MCTP1: variants seen among roughly 807,000 people sequenced by gnomAD.
MCTP1 encodes the protein multiple C2 and transmembrane domain containing 1.
MCTP1 carries 69 observed loss-of-function variants against 120.6 expected under a neutral mutation model. The ratio of observed to expected loss-of-function variants is 0.57; its 90% CI spans 0.47 to 0.70. The LOEUF is 0.70. MCTP1 is among the 30% of genes least tolerant of loss of function. The pLI is 0.00. For synonymous variants in MCTP1, 529 were observed against 493.1 expected (o/e 1.07, Z -0.96); for missense variants, 1,203 against 1,248.8 (o/e 0.96, Z 0.55).
intron 1 of MCTP1, among the ~76,000 whole-genome samples, chr5:95,157,721 C>G (rs1745281332): frequency 6.6e-6 from 1 of 152,196 alleles, no homozygotes; most frequent in Non-Finnish European, 1.5e-5. Context: ...AAAAGAGCTT[C>G]TCAATTTTGA....
At chr5:95,171,705 T>C (rs1747320867) in intron 1 of MCTP1, among the ~76,000 whole-genome samples, 1 of 152,012 alleles carries the variant, frequency 6.6e-6, no homozygotes, top group Non-Finnish European at 1.5e-5. Flanking sequence ...ATCGAATCGG[T>C]TACTGAAGCT....
chr5:95,254,448 C>T (rs986643876), intron 1 of MCTP1, among the ~76,000 whole-genome samples: 2 of 152,076 alleles, frequency 1.3e-5, no homozygotes, highest in Non-Finnish European at 2.9e-5. Context: ...AAAATTCTAG[C>T]CCAGGCAGCC....
At chr5:95,116,866 T>C (rs1406375910) in intron 1 of MCTP1, among the ~76,000 whole-genome samples, 1 of 152,156 alleles carries the variant, frequency 6.6e-6, no homozygotes, top group African/African-American at 2.4e-5. Flanking sequence ...CAAATGCCTG[T>C]GATTTCTGAA....
intron 1 of MCTP1, among the ~76,000 whole-genome samples, chr5:95,222,960 G>C (rs529798279): frequency 6.6e-6 from 1 of 152,342 alleles, no homozygotes; most frequent in Non-Finnish European, 1.5e-5. Context: ...GAGAGACGAT[G>C]GTGTGGATGA....
At position 94,704,693 on chromosome 5, in the gene MCTP1, G is replaced by A. The variant is rs1287668920; in HGVS notation, c.*2803C>T. ...TTGGTTTGACCGTTGTCTATAACAG[G>A]GTCATACAGTTGGTATTCGATAAAT... On this transcript the variant is annotated 3_prime_UTR_variant, in exon 23 of 23. Transcript: ENST00000515393. 6.6e-6 allele frequency: 1 copy of A among 151,008 alleles called. No individual in the cohort carries two copies. The highest frequency in any genetic ancestry group is 1.5e-5 in the Non-Finnish European group (1 of 67,444). The allele number at this position is 151,008 out of a possible 1,614,324, so 9.4% of individuals were successfully genotyped here.
chr5:94,928,103 A>G (rs1581404378), intron 6 of MCTP1, among the ~76,000 whole-genome samples: 1 of 152,060 alleles, frequency 6.6e-6, no homozygotes, highest in East Asian at 1.9e-4. Context: ...ATGTTTTTAT[A>G]TCATCACGAT....
chr5:95,123,278 T>C (rs1758371001), intron 1 of MCTP1, among the ~76,000 whole-genome samples: 2 of 151,810 alleles, frequency 1.3e-5, no homozygotes, highest in African/African-American at 2.4e-5. Flanking sequence ...AAAAATAAAA[T>C]CTGGCTAGCA....
At chr5:95,031,329 C>T (rs1355188792) in intron 1 of MCTP1, among the ~76,000 whole-genome samples, 11 of 151,750 alleles carry the variant, frequency 7.2e-5, no homozygotes, top group Non-Finnish European at 1.0e-4. Flanking sequence ...GACATAGAGT[C>T]GTCTGATTTT....
intron 1 of MCTP1, among the ~76,000 whole-genome samples, chr5:95,229,480 T>C (rs1754665796): frequency 6.6e-6 from 1 of 152,102 alleles, no homozygotes. Flanking sequence ...GAGAGAAAAG[T>C]TTGGTTACTC....
intron 10 of MCTP1, among the ~76,000 whole-genome samples, chr5:94,897,379 CAG>C (rs1372159623): frequency 2.6e-5 from 4 of 151,960 alleles, no homozygotes; most frequent in African/African-American, 9.7e-5. Context: ...CTTTTTGAGA[CAG>C]AGTCTCATAC....
intron 1 of MCTP1, among the ~76,000 whole-genome samples, chr5:95,197,821 C>G (rs1043785937): frequency 6.6e-6 from 1 of 152,002 alleles, no homozygotes; most frequent in Non-Finnish European, 1.5e-5. Context: ...CCACAGATAC[C>G]AAAATCTACA....
At position 95,254,144 on chromosome 5, in the gene MCTP1, A is replaced by T. The variant is rs944671213; in HGVS notation, c.720+29712T>A. On this transcript the variant is annotated intron_variant, in intron 1 of 22. Transcript: ENST00000515393. ...TATTTCTCTCAAACTTATACTTAAG[A>T]TCTGGAATTTTTCACTGACAATGTT... Among the ~76,000 whole-genome samples the T allele has an allele frequency of 4.6e-5, 7 of 152,272 alleles. No homozygotes were observed. In the East Asian group the frequency reaches 1.2e-3, roughly 25 times the overall value.
chr5:94,755,609 A>G (rs1048363867), intron 19 of MCTP1, among the ~76,000 whole-genome samples: 2 of 152,176 alleles, frequency 1.3e-5, no homozygotes, highest in Non-Finnish European at 2.9e-5. Context: ...ACTTCATTCT[A>G]GCGATATATT....
chr5:95,283,983 C>G lies in MCTP1; in HGVS notation c.593G>C (p.Ser198Thr), dbSNP rs960951918. 4.1e-6 allele frequency: 6 copies of G among 1,450,420 alleles called. No homozygotes were observed. The highest frequency in any genetic ancestry group is 5.4e-6 in the Non-Finnish European group (6 of 1,105,688). 89.8% of individuals were successfully genotyped at this position (1,450,420 alleles called of 1,614,324 possible). The change falls in exon 1 of 23, where the codon AGC becomes ACC. Residue 198 changes from serine (S) to threonine (T), a missense_variant. Coordinates refer to ENST00000515393, the MANE Select transcript of MCTP1 (RefSeq NM_024717.7). ...GPGAHLCHQK[S>T]SSLPGTACLE... ...GCAGGCGGTGCCCGGCAGAGAGGAG[C>G]TCTTCTGGTGGCACAAGTGCGCCCC...
chr5:94,905,918 G>C (rs2153428143), intron 10 of MCTP1, among the ~76,000 whole-genome samples: 1 of 152,190 alleles, frequency 6.6e-6, no homozygotes, highest in African/African-American at 2.4e-5. Flanking sequence ...ACAACATGAG[G>C]GGATGAGGAA....
chr5:95,210,027 G>A (rs929588370), intron 1 of MCTP1, among the ~76,000 whole-genome samples: 1 of 152,174 alleles, frequency 6.6e-6, no homozygotes, highest in South Asian at 2.1e-4. Flanking sequence ...TTGCACTGTG[G>A]TCTGAGAGAT....
chr5:94,780,296 T>C (rs564937847), intron 18 of MCTP1, among the ~76,000 whole-genome samples: 1 of 152,152 alleles, frequency 6.6e-6, no homozygotes, highest in East Asian at 1.9e-4. Context: ...AACAGGAATA[T>C]TCTATTGGTG....
At chr5:94,823,882 G>T (rs886907468) in intron 17 of MCTP1, among the ~76,000 whole-genome samples, 1 of 152,146 alleles carries the variant, frequency 6.6e-6, no homozygotes, top group African/African-American at 2.4e-5. Flanking sequence ...TGTGATTTTT[G>T]CACATTGATT....
At chr5:95,192,722 AATTTTC>A (rs1462265882) in intron 1 of MCTP1, among the ~76,000 whole-genome samples, 2 of 152,122 alleles carry the variant, frequency 1.3e-5, no homozygotes, top group Non-Finnish European at 2.9e-5. Context: ...ACCTATTGGT[AATTTTC>A]AGGGCTCTGA....
Sources: allele counts gnomAD v4.1 joint callset (sites outside exome capture counted in the v4.1 genomes callset), GRCh38; gene constraint gnomAD v4.1.1; transcripts MANE v1.5; gene names NCBI Gene and HGNC (gene_info 2026-07-23, HGNC 2026-07-21).